BCAS4: variants seen among roughly 807,000 people sequenced by gnomAD.
The protein encoded by BCAS4 is breast carcinoma amplified sequence 4.
A neutral mutation model predicts 15.7 loss-of-function variants in BCAS4; 9 were observed. The ratio of observed to expected loss-of-function variants is 0.57; its 90% CI spans 0.34 to 1.00. BCAS4 has a LOEUF of 1.00. Ranked by LOEUF, BCAS4 falls within the 50% of genes least tolerant of loss-of-function variation. The pLI is 0.02. For synonymous variants in BCAS4, 101 were observed against 99.5 expected (o/e 1.02, Z -0.09); for missense variants, 225 against 239.1 (o/e 0.94, Z 0.39).
upstream of BCAS4, chr20:50,795,007 G>GGGGCGGGGCTCCGAGGCCC: frequency 1.5e-6 from 2 of 1,359,626 alleles, no homozygotes; most frequent in Non-Finnish European, 1.9e-6. Flanking sequence ...CAGCGGACCG[G>GGGGCGGGGCTCCGAGGCCC]GGGCGGGGCT....
chr20:50,874,706 C>T (rs1262961500), intron 4 of BCAS4, among the ~76,000 whole-genome samples: 2 of 152,124 alleles, frequency 1.3e-5, no homozygotes, highest in African/African-American at 2.4e-5. Flanking sequence ...TGATCTCCCC[C>T]TCTGCACTGG....
chr20:50,850,563 A>G (rs1325581879), intron 4 of BCAS4, among the ~76,000 whole-genome samples: 1 of 152,204 alleles, frequency 6.6e-6, no homozygotes, highest in African/African-American at 2.4e-5. Context: ...ATTTCATGTG[A>G]GATTTTTGAG....
chr20:50,859,596 G>C (rs1301309037), intron 4 of BCAS4, among the ~76,000 whole-genome samples: 7 of 145,356 alleles, frequency 4.8e-5, no homozygotes, highest in Admixed American at 4.8e-4. Flanking sequence ...CAGCCTGGAG[G>C]CTCTGAGACC....
At chr20:50,879,594 G>GT (rs1232871886), downstream of BCAS4, 5 of 152,236 alleles carry the variant, frequency 3.3e-5, no homozygotes, top group African/African-American at 1.2e-4. Flanking sequence ...GGAAGGGTGA[G>GT]TATCTGCTGA....
At position 50,847,189 on chromosome 20, in the gene BCAS4, C is replaced by T. The variant is rs540340233; in HGVS notation, c.399+5289C>T. Among the ~76,000 whole-genome samples, 32 of 151,898 alleles carry T rather than the reference C, an allele frequency of 2.1e-4. No homozygotes were observed. The South Asian group carries it at 4.2e-3, about 20-fold the overall frequency. Reference sequence around the variant, plus strand: ...GCAACCTCCGCTTCCTGGGGTCAAGCGATTCTCCTGCCTCAGCCTCCCGAG... The same window carrying T: ...GCAACCTCCGCTTCCTGGGGTCAAGTGATTCTCCTGCCTCAGCCTCCCGAG... On this transcript the variant is annotated intron_variant, in intron 4 of 4. Transcript: ENST00000371608.
chr20:50,813,935 T>C (rs2088104417), intron 1 of BCAS4, among the ~76,000 whole-genome samples: 1 of 152,036 alleles, frequency 6.6e-6, no homozygotes, highest in South Asian at 2.1e-4. Flanking sequence ...GAGCAGTTTA[T>C]GCCCAGGGGG....
At chr20:50,858,109 A>T (rs764018688) in intron 4 of BCAS4, among the ~76,000 whole-genome samples, 1 of 152,000 alleles carries the variant, frequency 6.6e-6, no homozygotes, top group Non-Finnish European at 1.5e-5. Context: ...CCCCATCTTC[A>T]TTCATTCATT....
intron 4 of BCAS4, among the ~76,000 whole-genome samples, chr20:50,864,830 A>G (rs1480311678): frequency 6.6e-6 from 1 of 152,022 alleles, no homozygotes; most frequent in East Asian, 1.9e-4. Context: ...GCAGTGGCTC[A>G]TGCCTGTAAT....
intron 3 of BCAS4, among the ~76,000 whole-genome samples, chr20:50,835,559 A>G (rs2088398187): frequency 6.6e-6 from 1 of 151,986 alleles, no homozygotes; most frequent in African/African-American, 2.4e-5. Context: ...TAAGTTTTAG[A>G]TAGAGATTGC....
At chr20:50,848,354 G>A (rs573179889) in intron 4 of BCAS4, among the ~76,000 whole-genome samples, 3 of 152,294 alleles carry the variant, frequency 2.0e-5, no homozygotes, top group African/African-American at 7.2e-5. Flanking sequence ...GCTAGATGAT[G>A]AGTAAGTGTG....
chr20:50,814,141 G>A lies in BCAS4; in HGVS notation c.91-4070G>A, dbSNP rs183325300. On this transcript the variant is annotated intron_variant, in intron 1 of 4. Coordinates refer to ENST00000371608, the MANE Select transcript of BCAS4 (RefSeq NM_198799.4). ...TGTTGGTCGGGAATGTCTTGGGCTT[G>A]TTTCTCCCTTTGCTGACCAGACAGT... is the stretch of plus-strand genomic sequence containing the variant. Among the ~76,000 whole-genome samples, 119 of 152,240 alleles carry A rather than the reference G, an allele frequency of 7.8e-4. 1 individual carries two copies. Among genetic ancestry groups the A allele is most frequent in the Non-Finnish European group, 2.9e-5 (2 of 68,020 alleles).
At chr20:50,867,529 G>T (rs1979419504) in intron 4 of BCAS4, among the ~76,000 whole-genome samples, 1 of 151,470 alleles carries the variant, frequency 6.6e-6, no homozygotes, top group Non-Finnish European at 1.5e-5. Context: ...TTGGGTTTTG[G>T]GTTTTGTCTG....
chr20:50,802,649 A>T (rs2087941528), intron 1 of BCAS4, among the ~76,000 whole-genome samples: 1 of 152,238 alleles, frequency 6.6e-6, no homozygotes, highest in Non-Finnish European at 1.5e-5. Flanking sequence ...AGGCAGGTGG[A>T]TCACTTGAGG....
intron 1 of BCAS4, among the ~76,000 whole-genome samples, chr20:50,805,406 C>G (rs1217104786): frequency 6.6e-6 from 1 of 152,194 alleles, no homozygotes; most frequent in African/African-American, 2.4e-5. Context: ...TGTTTTTTAA[C>G]TTATCAGGCT....
intron 4 of BCAS4, among the ~76,000 whole-genome samples, chr20:50,857,980 C>A (rs1978854292): frequency 6.6e-6 from 1 of 152,136 alleles, no homozygotes; most frequent in Non-Finnish European, 1.5e-5. Flanking sequence ...TTCCATCCAC[C>A]TCCATGCCCA....
chr20:50,841,728 G>A (rs746196357), intron 3 of BCAS4, 38 bp from the exon 4 acceptor site: 1 of 1,613,706 alleles, frequency 6.2e-7, no homozygotes, highest in Admixed American at 1.7e-5. Flanking sequence ...GCTCCAGCCT[G>A]CACAGATGCG....
intron 4 of BCAS4, among the ~76,000 whole-genome samples, chr20:50,856,214 G>GCAAT (rs1219540840): frequency 6.6e-6 from 1 of 152,220 alleles, no homozygotes; most frequent in African/African-American, 2.4e-5. Flanking sequence ...GCTGTGGATT[G>GCAAT]GGTCTGGAAA....
At chr20:50,861,725 G>A (rs570908152) in intron 4 of BCAS4, among the ~76,000 whole-genome samples, 5 of 151,704 alleles carry the variant, frequency 3.3e-5, no homozygotes, top group Non-Finnish European at 5.9e-5. Context: ...CAGCCTGGCC[G>A]CTCATCCCTG....
At chr20:50,824,578 A>G (rs2088254518) in intron 2 of BCAS4, among the ~76,000 whole-genome samples, 1 of 152,262 alleles carries the variant, frequency 6.6e-6, no homozygotes, top group South Asian at 2.1e-4. Flanking sequence ...CAAGGCGTGC[A>G]AATGTAAACA....
Sources: allele counts gnomAD v4.1 joint callset (sites outside exome capture counted in the v4.1 genomes callset), GRCh38; gene constraint gnomAD v4.1.1; transcripts MANE v1.5; gene names NCBI Gene and HGNC (gene_info 2026-07-23, HGNC 2026-07-21).